GREB1L: variants seen among roughly 807,000 people sequenced by gnomAD.
The protein encoded by GREB1L is GREB1 like retinoic acid receptor coactivator.
GREB1L carries 17 observed loss-of-function variants against 200.8 expected under a neutral mutation model. The ratio of observed to expected loss-of-function variants is 0.08; its 90% CI spans 0.06 to 0.13. The LOEUF is 0.13. Ranked by LOEUF, GREB1L falls within the 10% of genes least tolerant of loss-of-function variation. The probability of loss-of-function intolerance (pLI) is 1.00; values close to 1 mark genes in which losing one functional copy is unlikely to be tolerated. For synonymous variants in GREB1L, 789 were observed against 893.0 expected (o/e 0.88, Z 2.08); for missense variants, 1,657 against 2,367.7 (o/e 0.70, Z 6.23).
intron 1 of GREB1L, among the ~76,000 whole-genome samples, chr18:21,253,838 T>C (rs1437903617): frequency 1.3e-5 from 2 of 150,402 alleles, no homozygotes; most frequent in Admixed American, 1.3e-4. Flanking sequence ...CTTTTTTTTT[T>C]TTTTTTTTTC....
intron 1 of GREB1L, among the ~76,000 whole-genome samples, chr18:21,359,279 G>A (rs529225432): frequency 3.3e-5 from 5 of 152,216 alleles, no homozygotes; most frequent in Middle Eastern, 3.4e-3. Flanking sequence ...GTGAAATCCC[G>A]TTTCTACTAA....
At chr18:21,402,909 A>G (rs891832086) in intron 6 of GREB1L, among the ~76,000 whole-genome samples, 1 of 150,972 alleles carries the variant, frequency 6.6e-6, no homozygotes, top group South Asian at 2.1e-4. Flanking sequence ...ATATTTATTT[A>G]TATAATTTAT....
intron 28 of GREB1L, 100 bp downstream of exon 28, chr18:21,514,086 T>C (rs918930184): frequency 1.7e-6 from 2 of 1,190,778 alleles, no homozygotes; most frequent in Non-Finnish European, 2.3e-6. Flanking sequence ...GAGAGACAGC[T>C]TTCCAGAGCA....
chr18:21,438,831 G>A (rs900347721), intron 7 of GREB1L, among the ~76,000 whole-genome samples: 1 of 151,220 alleles, frequency 6.6e-6, no homozygotes, highest in Non-Finnish European at 1.5e-5. Context: ...CATGGTGGTG[G>A]GCGCCTGTAG....
intron 1 of GREB1L, among the ~76,000 whole-genome samples, chr18:21,247,207 C>T (rs766730444): frequency 1.3e-5 from 2 of 152,180 alleles, no homozygotes; most frequent in Non-Finnish European, 2.9e-5. Flanking sequence ...TTCTACCCAA[C>T]TCTGTATTTG....
At chr18:21,480,307 TGCCACTGCACTCCA>T (rs1001353902) in intron 17 of GREB1L, among the ~76,000 whole-genome samples, 5 of 152,060 alleles carry the variant, frequency 3.3e-5, no homozygotes, top group Non-Finnish European at 7.4e-5. Flanking sequence ...GCCGAGATTA[TGCCACTGCACTCCA>T]GCCTAGGTGA....
intron 15 of GREB1L, among the ~76,000 whole-genome samples, chr18:21,470,032 C>A (rs2035417653): frequency 6.6e-6 from 1 of 152,036 alleles, no homozygotes; most frequent in South Asian, 2.1e-4. Context: ...TGCCTATAAT[C>A]CCAGTGCTTT....
At chr18:21,430,904 T>G (rs1314209098) in intron 7 of GREB1L, among the ~76,000 whole-genome samples, 2 of 151,436 alleles carry the variant, frequency 1.3e-5, no homozygotes, top group African/African-American at 4.8e-5. Flanking sequence ...CCTCTTTTTT[T>G]TAATATAGGC....
intron 11 of GREB1L, 80 bp downstream of exon 11, chr18:21,444,489 T>G: frequency 9.1e-7 from 1 of 1,094,498 alleles, no homozygotes. Flanking sequence ...CTTTCTCACA[T>G]TTATCCTCCT....
chr18:21,515,391 C>T, intron 28 of GREB1L, 26 bp from the exon 29 acceptor site: 1 of 1,437,782 alleles, frequency 7.0e-7, no homozygotes, highest in Non-Finnish European at 9.6e-7. Context: ...TATTTATCAA[C>T]ATCTTATATA....
At chr18:21,508,361 TG>T (rs1376020462) in intron 26 of GREB1L, 25 bp from the exon 27 acceptor site, 3 of 1,550,656 alleles carry the variant, frequency 1.9e-6, no homozygotes, top group Non-Finnish European at 2.6e-6. Flanking sequence ...TTTCCCTTTA[TG>T]GTCTGTTTTT....
chr18:21,484,332 G>A (rs57386214), intron 17 of GREB1L, among the ~76,000 whole-genome samples: 3 of 151,572 alleles, frequency 2.0e-5, no homozygotes, highest in Non-Finnish European at 4.4e-5. Flanking sequence ...CCGCCACCAC[G>A]CCTGGCTAAT....
intron 1 of GREB1L, among the ~76,000 whole-genome samples, chr18:21,356,631 C>T (rs1276487504): frequency 2.0e-5 from 3 of 151,958 alleles, no homozygotes; most frequent in Non-Finnish European, 4.4e-5. Context: ...CTGTAGTGAC[C>T]AGGGGGGTGC....
intron 1 of GREB1L, among the ~76,000 whole-genome samples, chr18:21,254,275 G>C (rs1359154740): frequency 6.6e-6 from 1 of 151,606 alleles, no homozygotes; most frequent in Non-Finnish European, 1.5e-5. Context: ...TCACCATGTT[G>C]GCCAGGCTGG....
In GREB1L at chr18:21,303,327, A is replaced by G. The variant is rs2038648509; in HGVS notation, c.-120+60934A>G. On this transcript the variant is annotated intron_variant, in intron 1 of 32. Coordinates refer to ENST00000424526, the MANE Select transcript of GREB1L (RefSeq NM_001142966.3). Reference sequence around the variant, plus strand: ...AGACTTGCACAGAAATCACCAACTAATCTCTTAGAATTAAACAAAAAATAG... The same window carrying G: ...AGACTTGCACAGAAATCACCAACTAGTCTCTTAGAATTAAACAAAAAATAG... Among the ~76,000 whole-genome samples, 3 of 152,174 alleles carry G rather than the reference A, an allele frequency of 2.0e-5. No individual in the cohort carries two copies. In the South Asian group the frequency reaches 6.2e-4, roughly 32 times the overall value.
At chr18:21,457,118 C>A (rs2034803173) in intron 15 of GREB1L, among the ~76,000 whole-genome samples, 1 of 152,194 alleles carries the variant, frequency 6.6e-6, no homozygotes, top group Non-Finnish European at 1.5e-5. Context: ...TAAATGCAAG[C>A]TCCTAAATAA....
At chr18:21,261,946 TTTAC>T (rs1252503091) in intron 1 of GREB1L, among the ~76,000 whole-genome samples, 1 of 152,178 alleles carries the variant, frequency 6.6e-6, no homozygotes, top group Non-Finnish European at 1.5e-5. Flanking sequence ...GTCTTAGATT[TTTAC>T]TTATGCCATT....
At chr18:21,380,780 T>C (rs1598725397) in intron 2 of GREB1L, 1 of 152,204 alleles carries the variant, frequency 6.6e-6, no homozygotes, top group Admixed American at 6.5e-5. Flanking sequence ...GTTCTCAGAT[T>C]GTTAGTATTA....
chr18:21,427,362 GGGCATGGT>G (rs1190734673), intron 7 of GREB1L, among the ~76,000 whole-genome samples: 1 of 151,944 alleles, frequency 6.6e-6, no homozygotes, highest in Non-Finnish European at 1.5e-5. Flanking sequence ...AAAATTAGCC[GGGCATGGT>G]GGCATGTGCT....
Sources: allele counts gnomAD v4.1 joint callset (sites outside exome capture counted in the v4.1 genomes callset), GRCh38; gene constraint gnomAD v4.1.1; transcripts MANE v1.5; gene names NCBI Gene and HGNC (gene_info 2026-07-23, HGNC 2026-07-21).